Variants in UNC13C observed in about 807,000 individuals in gnomAD.
UNC13C encodes the protein unc-13 homolog C.
A neutral mutation model predicts 245.4 loss-of-function variants in UNC13C; 174 were observed. The observed-to-expected ratio is 0.71, with a 90% CI of 0.63 to 0.80. The LOEUF is 0.80. Among genes scored for constraint, UNC13C ranks in the 30% least tolerant of loss-of-function variants. The pLI, the probability that UNC13C is intolerant of heterozygous loss-of-function variation, is 0.00. For missense variants in UNC13C, 2,829 were observed against 2,602.9 expected, an observed-to-expected ratio of 1.09 and a Z score of -1.89; for synonymous variants, 992 against 895.1, an observed-to-expected ratio of 1.11 and a Z score of -1.93.
At chr15:54,003,466 A>G (rs1894991882) in intron 1 of UNC13C, among the ~76,000 whole-genome samples, 1 of 152,114 alleles carries the variant, frequency 6.6e-6, no homozygotes. Context: ...TCAGTAGCTC[A>G]TTTCTGGAAT....
intron 24 of UNC13C, among the ~76,000 whole-genome samples, chr15:54,519,218 T>C (rs1895112635): frequency 6.6e-6 from 1 of 152,038 alleles, no homozygotes; most frequent in Admixed American, 6.6e-5. Flanking sequence ...AGAGGAATAG[T>C]GTATGTGTTG....
intron 29 of UNC13C, 65 bp from the exon 30 acceptor site, chr15:54,567,735 A>C: frequency 7.2e-7 from 1 of 1,386,078 alleles, no homozygotes; most frequent in Non-Finnish European, 9.7e-7. Flanking sequence ...TCTCTATTAG[A>C]GTAATAAATT....
chr15:54,420,063 A>G (rs989485126), intron 19 of UNC13C, among the ~76,000 whole-genome samples: 6 of 152,120 alleles, frequency 3.9e-5, no homozygotes, highest in African/African-American at 9.7e-5. Flanking sequence ...AATAAGATGA[A>G]CAGATCCCCT....
chr15:54,447,097 T>C (rs991038297), intron 19 of UNC13C, among the ~76,000 whole-genome samples: 1 of 152,202 alleles, frequency 6.6e-6, no homozygotes, highest in Non-Finnish European at 1.5e-5. Flanking sequence ...TTACGTTTAT[T>C]GATTTGCATG....
intron 2 of UNC13C, among the ~76,000 whole-genome samples, chr15:54,045,520 T>A (rs1473924581): frequency 6.6e-6 from 1 of 152,140 alleles, no homozygotes; most frequent in Non-Finnish European, 1.5e-5. Context: ...GAGGTGGAAT[T>A]ATTACCATGT....
At chr15:54,179,307 C>T (rs2033719450) in intron 4 of UNC13C, among the ~76,000 whole-genome samples, 1 of 151,918 alleles carries the variant, frequency 6.6e-6, no homozygotes, top group Non-Finnish European at 1.5e-5. Flanking sequence ...ACAAAATAAG[C>T]AGACTAACAA....
intron 2 of UNC13C, among the ~76,000 whole-genome samples, chr15:54,139,491 G>A (rs2031908715): frequency 6.6e-6 from 1 of 152,086 alleles, no homozygotes; most frequent in Non-Finnish European, 1.5e-5. Flanking sequence ...GAATTTTCCT[G>A]TCAAAACAGT....
chr15:54,280,582 GTC>G (rs142372612), intron 10 of UNC13C, among the ~76,000 whole-genome samples: 58 of 146,900 alleles, frequency 3.9e-4, no homozygotes, highest in East Asian at 2.0e-3. Context: ...AAAACCCATT[GTC>G]TCTCTCTCTC....
intron 25 of UNC13C, among the ~76,000 whole-genome samples, chr15:54,526,879 T>A (rs1047172229): frequency 6.6e-6 from 1 of 152,080 alleles, no homozygotes; most frequent in Non-Finnish European, 1.5e-5. Flanking sequence ...ATTTTTTAAA[T>A]AAGAAAGACA....
intron 29 of UNC13C, among the ~76,000 whole-genome samples, chr15:54,558,009 A>G (rs1297059394): frequency 1.3e-5 from 2 of 152,002 alleles, no homozygotes; most frequent in African/African-American, 4.8e-5. Flanking sequence ...AGAACGAAAA[A>G]CCAAACACCA....
chr15:54,411,561 G>A (rs1199464415), intron 18 of UNC13C, among the ~76,000 whole-genome samples: 1 of 152,076 alleles, frequency 6.6e-6, no homozygotes, highest in East Asian at 1.9e-4. Context: ...TTTGCATGTG[G>A]TTATTCAAGT....
intron 2 of UNC13C, among the ~76,000 whole-genome samples, chr15:54,139,799 T>C (rs2031926010): frequency 6.6e-6 from 1 of 152,176 alleles, no homozygotes; most frequent in Non-Finnish European, 1.5e-5. Context: ...TATTCCTTTC[T>C]CTTTTTACTT....
At chr15:53,965,205 T>C in the UNC13C span, among the ~76,000 whole-genome samples, 8 of 152,178 alleles carry the variant, frequency 5.3e-5, no homozygotes, top group Non-Finnish European at 1.2e-4. Context: ...CAAATTATTA[T>C]AATGAACACT....
chr15:53,898,016 G>T, the UNC13C span, among the ~76,000 whole-genome samples: 1 of 151,978 alleles, frequency 6.6e-6, no homozygotes, highest in African/African-American at 2.4e-5. Flanking sequence ...GCTGAGCACT[G>T]GCATCTTGTG....
At chr15:54,518,970 G>A (rs77027669) in intron 24 of UNC13C, among the ~76,000 whole-genome samples, 10,236 of 152,066 alleles carry the variant, frequency 0.067, 744 homozygotes, top group African/African-American at 0.18. Flanking sequence ...GTTATAAAAC[G>A]GGGATTCCTG....
At chr15:54,205,252 G>A (rs926407116) in intron 4 of UNC13C, among the ~76,000 whole-genome samples, 1 of 151,882 alleles carries the variant, frequency 6.6e-6, no homozygotes, top group Non-Finnish European at 1.5e-5. Flanking sequence ...TATTGTTTCT[G>A]TTTAATTCTC....
intron 4 of UNC13C, among the ~76,000 whole-genome samples, chr15:54,161,076 G>T (rs1262188733): frequency 6.6e-6 from 1 of 152,032 alleles, no homozygotes; most frequent in Admixed American, 6.6e-5. Flanking sequence ...TGTTGTAAAA[G>T]AAATATTACC....
At chr15:53,945,310 T>C in the UNC13C span, among the ~76,000 whole-genome samples, 5 of 152,222 alleles carry the variant, frequency 3.3e-5, no homozygotes, top group Non-Finnish European at 7.3e-5. Flanking sequence ...CATCATGGAA[T>C]CTTTGCCAGT....
At chr15:54,364,741 G>T (rs1292478132) in intron 17 of UNC13C, among the ~76,000 whole-genome samples, 1 of 152,120 alleles carries the variant, frequency 6.6e-6, no homozygotes, top group Non-Finnish European at 1.5e-5. Flanking sequence ...CCCATTAAAT[G>T]ACTTAATGAA....
Sources: allele counts gnomAD v4.1 joint callset (sites outside exome capture counted in the v4.1 genomes callset), GRCh38; gene constraint gnomAD v4.1.1; transcripts MANE v1.5; gene names NCBI Gene and HGNC (gene_info 2026-07-23, HGNC 2026-07-21).